Variants in LMBR1 observed in about 807,000 individuals in gnomAD.
The protein encoded by LMBR1 is limb region 1 protein homolog.
A neutral mutation model predicts 73.9 loss-of-function variants in LMBR1; 52 were observed. The ratio of observed to expected loss-of-function variants is 0.70; its 90% CI spans 0.56 to 0.89. The LOEUF is 0.89. Among genes scored for constraint, LMBR1 ranks in the 40% least tolerant of loss-of-function variants. LMBR1 has a pLI of 0.00. For missense variants in LMBR1, 539 were observed against 579.8 expected (o/e 0.93, Z 0.72); for synonymous variants, 215 against 209.4 (o/e 1.03, Z -0.23).
intron 1 of LMBR1, among the ~76,000 whole-genome samples, chr7:156,842,546 A>C (rs1164375179): frequency 6.6e-6 from 1 of 152,216 alleles, no homozygotes; most frequent in Admixed American, 6.5e-5. Context: ...TCAGAAAGAA[A>C]AACAGGCAGT....
At chr7:156,735,737 T>C (rs1006393773) in intron 9 of LMBR1, among the ~76,000 whole-genome samples, 2 of 152,120 alleles carry the variant, frequency 1.3e-5, no homozygotes, top group African/African-American at 4.8e-5. Flanking sequence ...TTCTGTTTTG[T>C]GGATTTTAAG....
At chr7:156,684,397 A>G (rs780994935) in intron 16 of LMBR1, among the ~76,000 whole-genome samples, 4 of 152,156 alleles carry the variant, frequency 2.6e-5, no homozygotes, top group East Asian at 1.9e-4. Context: ...CTTCCAGGAC[A>G]GCACGTGAGG....
intron 1 of LMBR1, chr7:156,892,556 G>GAAGCCCCTGGGGTCCCAGAGCGC (rs1292597243): frequency 5.7e-6 from 1 of 174,716 alleles, no homozygotes; most frequent in Non-Finnish European, 1.2e-5. Flanking sequence ...GCCCAGAGAG[G>GAAGCCCCTGGGGTCCCAGAGCGC]AAGCCCCTGG....
chr7:156,812,050 G>C (rs1199931489), intron 4 of LMBR1, among the ~76,000 whole-genome samples: 2 of 152,000 alleles, frequency 1.3e-5, no homozygotes, highest in African/African-American at 4.8e-5. Flanking sequence ...TTTGGATTTG[G>C]GTCTTCGCTA....
chr7:156,868,293 A>C (rs996460104), intron 1 of LMBR1, among the ~76,000 whole-genome samples: 2 of 151,116 alleles, frequency 1.3e-5, no homozygotes, highest in African/African-American at 4.9e-5. Flanking sequence ...TCCCGGGTTC[A>C]AGTAATTCTC....
At chr7:156,838,306 T>C (rs796548779) in intron 1 of LMBR1, among the ~76,000 whole-genome samples, 1 of 152,168 alleles carries the variant, frequency 6.6e-6, no homozygotes, top group Admixed American at 6.5e-5. Context: ...TGTTATACAA[T>C]AGATTTTGAA....
At chr7:156,739,765 C>T (rs2132571458) in intron 9 of LMBR1, among the ~76,000 whole-genome samples, 1 of 152,254 alleles carries the variant, frequency 6.6e-6, no homozygotes, top group Non-Finnish European at 1.5e-5. Context: ...GGAAAGCCTT[C>T]CCAAGAAAGA....
chr7:156,811,484 C>G (rs904777421), intron 4 of LMBR1, among the ~76,000 whole-genome samples: 3 of 152,076 alleles, frequency 2.0e-5, no homozygotes, highest in Non-Finnish European at 4.4e-5. Flanking sequence ...GTGGCACACG[C>G]CTGTAGTCCA....
chr7:156,825,300 A>G (rs1835485736), intron 4 of LMBR1, among the ~76,000 whole-genome samples: 1 of 152,222 alleles, frequency 6.6e-6, no homozygotes, highest in Non-Finnish European at 1.5e-5. Flanking sequence ...ACACCAACTA[A>G]CTACATTAAC....
intron 9 of LMBR1, among the ~76,000 whole-genome samples, chr7:156,738,510 T>C (rs1458303733): frequency 1.3e-5 from 2 of 151,874 alleles, no homozygotes; most frequent in Non-Finnish European, 2.9e-5. Context: ...AAGGGAGAGG[T>C]TGCACCACCT....
At chr7:156,889,947 T>C (rs1372196419) in intron 1 of LMBR1, among the ~76,000 whole-genome samples, 1 of 152,074 alleles carries the variant, frequency 6.6e-6, no homozygotes, top group Non-Finnish European at 1.5e-5. Flanking sequence ...AAGGCTGCAG[T>C]GAGCCATGAT....
At chr7:156,884,729 C>T (rs946689580) in intron 1 of LMBR1, among the ~76,000 whole-genome samples, 6 of 152,222 alleles carry the variant, frequency 3.9e-5, no homozygotes, top group Non-Finnish European at 8.8e-5. Flanking sequence ...CAGGTGTGCT[C>T]TTGGAGGTCT....
At chr7:156,809,594 C>T (rs1282863076) in intron 4 of LMBR1, among the ~76,000 whole-genome samples, 2 of 152,222 alleles carry the variant, frequency 1.3e-5, no homozygotes, top group Non-Finnish European at 2.9e-5. Context: ...TACATGCTCA[C>T]TATAAACACA....
At chr7:156,764,381 C>T (rs1051826697) in intron 5 of LMBR1, among the ~76,000 whole-genome samples, 1 of 152,064 alleles carries the variant, frequency 6.6e-6, no homozygotes, top group African/African-American at 2.4e-5. Context: ...ATCCATGAGA[C>T]AAGAATATAA....
intron 15 of LMBR1, among the ~76,000 whole-genome samples, chr7:156,699,310 T>C (rs1236544850): frequency 6.6e-6 from 1 of 152,128 alleles, no homozygotes; most frequent in Non-Finnish European, 1.5e-5. Context: ...GGGGAAAGGA[T>C]TCCCTATTTA....
intron 9 of LMBR1, among the ~76,000 whole-genome samples, chr7:156,747,493 TA>T (rs1295595457): frequency 1.3e-5 from 2 of 152,294 alleles, no homozygotes; most frequent in African/African-American, 2.4e-5. Flanking sequence ...GTATTTAACT[TA>T]AAATATAAAA....
chr7:156,703,182 G>C (rs1337246590), intron 15 of LMBR1, among the ~76,000 whole-genome samples: 1 of 152,222 alleles, frequency 6.6e-6, no homozygotes, highest in Non-Finnish European at 1.5e-5. Context: ...GGCAGCTACA[G>C]TAAGATGCCA....
At chr7:156,776,864 G>A (rs1464483856) in intron 5 of LMBR1, among the ~76,000 whole-genome samples, 1 of 152,018 alleles carries the variant, frequency 6.6e-6, no homozygotes, top group Non-Finnish European at 1.5e-5. Flanking sequence ...ATTCCAAAGT[G>A]GGCCTTCAAT....
chr7:156,761,687 AC>A (rs758223599), intron 8 of LMBR1, among the ~76,000 whole-genome samples: 35 of 152,122 alleles, frequency 2.3e-4, no homozygotes, highest in Non-Finnish European at 7.4e-5. Context: ...TAAACAAAAA[AC>A]TTAATAGGCC....
Sources: gnomAD v4.1 joint callset for allele counts (sites outside exome capture counted in the v4.1 genomes callset) on GRCh38, gnomAD v4.1.1 for gene constraint, MANE v1.5 for transcripts, NCBI Gene and HGNC (gene_info 2026-07-23, HGNC 2026-07-21) for gene names.